The following RAB31 variants were observed in gnomAD, a reference collection of about 807,000 sequenced individuals.
The protein encoded by RAB31 is RAB31, member RAS oncogene family.
A neutral mutation model predicts 25.6 loss-of-function variants in RAB31; 21 were observed. The observed-to-expected ratio is 0.82, with a 90% CI of 0.58 to 1.18. RAB31 has a LOEUF of 1.18. RAB31 is among the 50% of genes most tolerant of loss of function. The probability of loss-of-function intolerance (pLI) is 0.00; values close to 1 mark genes in which losing one functional copy is unlikely to be tolerated. For synonymous variants in RAB31, 87 were observed against 84.0 expected (o/e 1.04, Z -0.20); for missense variants, 196 against 250.1 (o/e 0.78, Z 1.46).
Position 9,847,077 on chromosome 18 carries a change from A to G in RAB31, c.490+1386A>G, listed in dbSNP as rs192417857. On this transcript the variant is annotated intron_variant, in intron 6 of 6. Transcript: ENST00000578921. ...CATGTGGGAAACCCCATGTCCCCACATTCCTCTCCCTTCTCCATCATGGTC... is the reference window on the plus strand; with the variant it reads ...CATGTGGGAAACCCCATGTCCCCACGTTCCTCTCCCTTCTCCATCATGGTC... Among the ~76,000 whole-genome samples, 67 of 152,234 alleles carry G rather than the reference A, an allele frequency of 4.4e-4. 1 individual carries two copies. Among genetic ancestry groups the G allele is most frequent in the Admixed American group, 3.5e-3 (54 of 15,296 alleles).
chr18:9,813,946 A>G, intron 3 of RAB31, 74 bp from the exon 4 acceptor site: 1 of 1,040,350 alleles, frequency 9.6e-7, no homozygotes. Flanking sequence ...TGTAGGATAA[A>G]ACGTTTATGT....
At chr18:9,800,475 C>G (rs1234039251) in intron 3 of RAB31, among the ~76,000 whole-genome samples, 2 of 152,202 alleles carry the variant, frequency 1.3e-5, no homozygotes, top group Non-Finnish European at 2.9e-5. Context: ...GACGGCCCCT[C>G]CCCATGTTGG....
At chr18:9,814,203 ATTGAGT>A (rs2068589736) in intron 4 of RAB31, 112 bp downstream of exon 4, 1 of 700,574 alleles carries the variant, frequency 1.4e-6, no homozygotes, top group African/African-American at 1.8e-5. Flanking sequence ...GCCACTATAT[ATTGAGT>A]TTATTTCATG....
chr18:9,801,851 T>A (rs1371579063), intron 3 of RAB31, among the ~76,000 whole-genome samples: 3 of 152,246 alleles, frequency 2.0e-5, no homozygotes, highest in Non-Finnish European at 4.4e-5. Context: ...TGGAGTTAAT[T>A]TCTGTCCATG....
chr18:9,856,303 G>T (rs1325702215), intron 6 of RAB31: 1 of 152,210 alleles, frequency 6.6e-6, no homozygotes, highest in Non-Finnish European at 1.5e-5. Flanking sequence ...GTTGACTGGG[G>T]AGAGAAATGA....
At position 9,732,022 on chromosome 18, in the gene RAB31, A is replaced by T. The variant is rs2068125298; in HGVS notation, c.39+23578A>T. Among the ~76,000 whole-genome samples the T allele has an allele frequency of 1.3e-5, 2 of 152,320 alleles. 1 individual carries two copies. Among genetic ancestry groups the T allele is most frequent in the South Asian group, 4.1e-4 (2 of 4,830 alleles). ...ATTTTTCATTCACTTTCTCTTTTAT[A>T]TATTTACATGCGCAGAGGACAAAAT... On this transcript the variant is annotated intron_variant, in intron 1 of 6. Transcript: ENST00000578921.
chr18:9,826,213 TA>T (rs2143099104), intron 5 of RAB31, among the ~76,000 whole-genome samples: 1 of 151,572 alleles, frequency 6.6e-6, no homozygotes, highest in Non-Finnish European at 1.5e-5. Context: ...CCCCCTCTAC[TA>T]AAAATACAAA....
intron 2 of RAB31, 129 bp downstream of exon 2, chr18:9,775,486 C>T (rs749771977): frequency 4.5e-4 from 664 of 1,476,316 alleles, no homozygotes; most frequent in Non-Finnish European, 5.6e-4. Flanking sequence ...TCAATCCCAG[C>T]TGTAGACCGA....
At position 9,845,631 on chromosome 18, in the gene RAB31, A is replaced by G. The variant is rs1368999961; in HGVS notation, c.430A>G (p.Ile144Val). Residue 144 changes from isoleucine (I) to valine (V), a missense_variant, in exon 6 of 7, where the codon ATC (isoleucine) becomes GTC (valine). Ile to Val is a conservative substitution (Grantham distance 29). Coordinates refer to ENST00000578921, the MANE Select transcript of RAB31 (RefSeq NM_006868.4). ...AKEYAESIGA[I>V]VVETSAKNAI... ...GGAATACGCTGAATCCATAGGTGCC[A>G]TCGTGGTTGAGACAAGTGCAAAAAA... The G allele has an allele frequency of 1.3e-6, 2 of 1,569,986 alleles. No homozygotes were observed. Among genetic ancestry groups the G allele is most frequent in the Admixed American group, 1.9e-5 (1 of 53,074 alleles).
intron 3 of RAB31, among the ~76,000 whole-genome samples, chr18:9,807,589 G>A (rs540182805): frequency 5.3e-5 from 8 of 152,152 alleles, no homozygotes; most frequent in Admixed American, 2.6e-4. Context: ...GGGAAAAAAT[G>A]CATTTCTACA....
rs72955281 is a variant in RAB31, at chr18:9,791,155, A to T, written c.120-999A>T. On this transcript the variant is annotated intron_variant, in intron 2 of 6. Coordinates refer to ENST00000578921, the MANE Select transcript of RAB31 (RefSeq NM_006868.4). ...CATTTATGCAAGCAGGTTGGGACTT[A>T]GATGTAGTATTCTATTAGTTGCTAC... Among the ~76,000 whole-genome samples, 1,431 of 152,334 alleles carry T rather than the reference A, an allele frequency of 9.4e-3. 18 individuals carry two copies. Among genetic ancestry groups the T allele is most frequent in the Non-Finnish European group, 0.011 (721 of 68,032 alleles).
rs959986076 is a variant in RAB31 at position 9,860,952 on chromosome 18, A to G, written c.*1627A>G. 1.3e-5 allele frequency: 2 copies of G among 152,196 alleles called. No individual in the cohort carries two copies. The highest frequency in any genetic ancestry group is 1.9e-4 in the East Asian group (1 of 5,202). 9.4% of individuals were successfully genotyped at this position (152,196 alleles called of 1,614,324 possible). ...CAAGAGTTCCACTTGGCTCTCCCAA[A>G]TAGGTACCTCAAAAACTGTTAGCAA... On this transcript the variant is annotated 3_prime_UTR_variant, in exon 7 of 7. Coordinates refer to ENST00000578921, the MANE Select transcript of RAB31 (RefSeq NM_006868.4).
At chr18:9,843,353 T>C (rs567778540) in intron 5 of RAB31, among the ~76,000 whole-genome samples, 3 of 152,074 alleles carry the variant, frequency 2.0e-5, no homozygotes, top group Non-Finnish European at 4.4e-5. Flanking sequence ...AAGACCAGAC[T>C]GGGCAACGTG....
intron 5 of RAB31, among the ~76,000 whole-genome samples, chr18:9,835,451 C>T (rs1305962899): frequency 6.6e-6 from 1 of 152,178 alleles, no homozygotes; most frequent in Non-Finnish European, 1.5e-5. Context: ...CTGCCCAGTC[C>T]CTGTTGGATT....
intron 5 of RAB31, among the ~76,000 whole-genome samples, chr18:9,843,279 G>A (rs2068743236): frequency 6.6e-6 from 1 of 152,100 alleles, no homozygotes; most frequent in Admixed American, 6.5e-5. Context: ...GCGCAGTGGT[G>A]CAAGCCTGTA....
At chr18:9,773,985 G>T (rs2068359035) in intron 1 of RAB31, among the ~76,000 whole-genome samples, 2 of 152,058 alleles carry the variant, frequency 1.3e-5, no homozygotes, top group Admixed American at 1.3e-4. Flanking sequence ...TAAGAGGTTG[G>T]TTGTATTCTC....
chr18:9,717,058 C>A (rs1000326721), intron 1 of RAB31, among the ~76,000 whole-genome samples: 1 of 151,698 alleles, frequency 6.6e-6, no homozygotes, highest in African/African-American at 2.4e-5. Flanking sequence ...TCACTTTGCC[C>A]AGCCAAAAAG....
intron 5 of RAB31, 129 bp from the exon 6 acceptor site, chr18:9,845,453 T>G: frequency 1.3e-6 from 1 of 792,178 alleles, no homozygotes; most frequent in Non-Finnish European, 1.9e-6. Context: ...CCATTCTTGC[T>G]GAGTGATTGA....
chr18:9,738,377 T>C (rs1049718989), intron 1 of RAB31, among the ~76,000 whole-genome samples: 11 of 152,144 alleles, frequency 7.2e-5, no homozygotes, highest in Admixed American at 2.0e-4. Context: ...TTGGGACTTT[T>C]AGCCCCACCA....
Sources: allele counts gnomAD v4.1 joint callset (sites outside exome capture counted in the v4.1 genomes callset), GRCh38; gene constraint gnomAD v4.1.1; transcripts MANE v1.5; gene names NCBI Gene and HGNC (gene_info 2026-07-23, HGNC 2026-07-21).